The following FBLN7 variants were observed in gnomAD, a reference collection of about 807,000 sequenced individuals.
The protein encoded by FBLN7 is fibulin 7.
FBLN7 carries 31 observed loss-of-function variants against 44.0 expected under a neutral mutation model. The observed-to-expected ratio is 0.70, with a 90% CI of 0.53 to 0.95. FBLN7 has a LOEUF of 0.95. FBLN7 is among the 40% of genes least tolerant of loss of function. The pLI, the probability that FBLN7 is intolerant of heterozygous loss-of-function variation, is 0.00. For synonymous variants in FBLN7, 262 were observed against 253.4 expected (o/e 1.03, Z -0.32); for missense variants, 573 against 618.5 (o/e 0.93, Z 0.78).
the FBLN7 span, chr2:112,214,975 T>C: frequency 6.6e-6 from 1 of 152,186 alleles, no homozygotes; most frequent in African/African-American, 2.4e-5. Context: ...CCCTCAAATC[T>C]CTGCGGTGTC....
chr2:112,174,763 G>T (rs1682649290), intron 3 of FBLN7, among the ~76,000 whole-genome samples: 1 of 152,142 alleles, frequency 6.6e-6, no homozygotes, highest in Non-Finnish European at 1.5e-5. Flanking sequence ...AGGCTGGAGT[G>T]CAGTGGTGGG....
At chr2:112,218,358 T>C in the FBLN7 span, among the ~76,000 whole-genome samples, 9 of 152,188 alleles carry the variant, frequency 5.9e-5, no homozygotes, top group Admixed American at 5.9e-4. Flanking sequence ...ACTCTTCTAG[T>C]GGAAATGCCT....
intron 3 of FBLN7, among the ~76,000 whole-genome samples, chr2:112,173,933 C>T (rs1011816857): frequency 7.2e-5 from 11 of 152,224 alleles, no homozygotes; most frequent in East Asian, 1.9e-4. Flanking sequence ...ACAGAGTGTA[C>T]GGTCCTGGGA....
intron 1 of FBLN7, among the ~76,000 whole-genome samples, chr2:112,150,515 AAG>A (rs1681106617): frequency 6.6e-6 from 1 of 152,166 alleles, no homozygotes; most frequent in African/African-American, 2.4e-5. Flanking sequence ...GCATGACAAA[AAG>A]AATCTAACTA....
intron 3 of FBLN7, among the ~76,000 whole-genome samples, chr2:112,175,459 G>A (rs1410036995): frequency 6.6e-6 from 1 of 152,246 alleles, no homozygotes; most frequent in Non-Finnish European, 1.5e-5. Context: ...GCTCCTGCAT[G>A]CAGAGCCCCA....
intron 1 of FBLN7, among the ~76,000 whole-genome samples, chr2:112,154,243 G>A (rs920285962): frequency 6.6e-5 from 10 of 152,140 alleles, no homozygotes; most frequent in Non-Finnish European, 1.2e-4. Flanking sequence ...GAAACTATTC[G>A]TCATTATTTA....
downstream of FBLN7, chr2:112,188,677 T>C (rs1394423603): frequency 6.6e-6 from 1 of 152,204 alleles, no homozygotes; most frequent in African/African-American, 2.4e-5. Context: ...ATTTAAATCT[T>C]TGTATTTGCC....
intron 1 of FBLN7, chr2:112,151,607 T>G (rs989487093): frequency 6.6e-6 from 1 of 152,350 alleles, no homozygotes; most frequent in Non-Finnish European, 1.5e-5. Flanking sequence ...GCTGCCTTCT[T>G]TGATTCCTTT....
intron 1 of FBLN7, among the ~76,000 whole-genome samples, chr2:112,156,474 A>G (rs913810417): frequency 1.3e-5 from 2 of 152,244 alleles, no homozygotes. Context: ...ACTGAAGTAC[A>G]CAAATGCAAT....
the FBLN7 span, chr2:112,215,615 C>T: frequency 3.3e-5 from 5 of 152,086 alleles, no homozygotes; most frequent in South Asian, 4.1e-4. Flanking sequence ...AATATAATGA[C>T]GAGTTTCCAT....
chr2:112,185,224 C>T lies in FBLN7; in HGVS notation c.832C>T (p.Gln278Ter), dbSNP rs751352311. ...AGATGTGGATGAATGTGTGGGCCTG[C>T]AGCCGGTGTGCCCCCAGGGGACCAC... ...CEDVDECVGL[Q>*]PVCPQGTTCI... The change falls in exon 7 of 8, where the codon CAG (glutamine) becomes TAG (stop). Residue 278 changes from glutamine to a stop codon, truncating the protein, a stop_gained. Transcript: ENST00000331203. LOFTEE classifies it high-confidence loss of function. The T allele has an allele frequency of 2.5e-6, 4 of 1,613,730 alleles. No homozygotes were observed. Among genetic ancestry groups the T allele is most frequent in the Non-Finnish European group, 3.4e-6 (4 of 1,179,682 alleles).
At chr2:112,221,712 A>G in the FBLN7 span, among the ~76,000 whole-genome samples, 211 of 152,204 alleles carry the variant, frequency 1.4e-3, no homozygotes, top group African/African-American at 4.8e-3. Context: ...CAGCTTTATC[A>G]GGTCAGTCTG....
chr2:112,171,448 G>A (rs972023229), intron 3 of FBLN7, among the ~76,000 whole-genome samples: 2 of 152,036 alleles, frequency 1.3e-5, no homozygotes, highest in Non-Finnish European at 2.9e-5. Context: ...TGAGAAGGGA[G>A]CAGAGCTTCA....
chr2:112,183,789 A>T (rs557054207), intron 6 of FBLN7, among the ~76,000 whole-genome samples: 1 of 152,222 alleles, frequency 6.6e-6, no homozygotes, highest in Non-Finnish European at 1.5e-5. Flanking sequence ...GGGAAAGAAC[A>T]TCTTAAGTTG....
chr2:112,168,941 G>A (rs1284072232), intron 3 of FBLN7, among the ~76,000 whole-genome samples: 2 of 152,186 alleles, frequency 1.3e-5, no homozygotes, highest in African/African-American at 2.4e-5. Context: ...CAACTTGGCA[G>A]GGAAGGAAAT....
chr2:112,195,066 A>G, the FBLN7 span, among the ~76,000 whole-genome samples: 30 of 152,340 alleles, frequency 2.0e-4, no homozygotes, highest in African/African-American at 6.3e-4. Flanking sequence ...TATTAGAGGA[A>G]GTCTAATGAG....
intron 6 of FBLN7, among the ~76,000 whole-genome samples, chr2:112,183,878 C>T (rs1053722095): frequency 3.9e-5 from 6 of 152,126 alleles, no homozygotes; most frequent in Admixed American, 3.3e-4. Context: ...GGTTGTAGAA[C>T]AGAGAGGCTG....
At chr2:112,150,074 C>G (rs565516792) in intron 1 of FBLN7, among the ~76,000 whole-genome samples, 32 of 152,314 alleles carry the variant, frequency 2.1e-4, no homozygotes, top group African/African-American at 7.7e-4. Context: ...CCCGAGCCAC[C>G]CTTGGCCCCG....
intron 4 of FBLN7, 40 bp downstream of exon 4, chr2:112,175,879 G>C: frequency 6.2e-7 from 1 of 1,602,878 alleles, no homozygotes. Flanking sequence ...ACATCCTGCT[G>C]TGGGGAGAGG....
Sources: gnomAD v4.1 joint callset for allele counts (sites outside exome capture counted in the v4.1 genomes callset) on GRCh38, gnomAD v4.1.1 for gene constraint, MANE v1.5 for transcripts, NCBI Gene and HGNC (gene_info 2026-07-23, HGNC 2026-07-21) for gene names.